The following ZFP1 variants were observed in gnomAD, a reference collection of about 807,000 sequenced individuals.
ZFP1 encodes ZFP1 zinc finger protein, also known as zinc finger protein 1 homolog.
In ZFP1, 32 loss-of-function variants were observed where a neutral mutation model predicts 38.5. The ratio of observed to expected loss-of-function variants is 0.83; its 90% CI spans 0.63 to 1.12. ZFP1 has a LOEUF of 1.12. Among genes scored for constraint, ZFP1 ranks in the 50% most tolerant of loss-of-function variants. ZFP1 has a pLI of 0.00. For missense variants in ZFP1, 616 were observed against 480.8 expected, an observed-to-expected ratio of 1.28 and a Z score of -2.63; for synonymous variants, 245 against 168.8, an observed-to-expected ratio of 1.45 and a Z score of -3.50.
At chr16:75,160,994 A>T (rs1270739426) in intron 2 of ZFP1, among the ~76,000 whole-genome samples, 1 of 152,042 alleles carries the variant, frequency 6.6e-6, no homozygotes, top group African/African-American at 2.4e-5. Flanking sequence ...GGACAAAAAT[A>T]CTCAAACCAT....
rs1259817617 is a variant in ZFP1, at chr16:75,170,071, G to C, written c.961G>C (p.Glu321Gln). 1.2e-6 allele frequency: 2 copies of C among 1,614,068 alleles called. No individual in the cohort carries two copies. Among genetic ancestry groups the C allele is most frequent in the East Asian group, 2.2e-5 (1 of 44,878 alleles). ...CATACATCAGAAGATTCACACGGGG[G>C]AGAAACGCTATGAGTGCAGTGAATG... ...LIIHQKIHTG[E>Q]KRYECSECGK... is the part of the protein sequence containing the mutation. Residue 321 changes from glutamate (E) to glutamine (Q), a missense_variant, in exon 4 of 4, where the codon GAG becomes CAG. By Grantham distance (29) the Glu-to-Gln change is conservative (BLOSUM62 2). Coordinates refer to ENST00000570010, the MANE Select transcript of ZFP1 (RefSeq NM_153688.4).
rs200876100 is a variant in ZFP1 at position 75,169,493 on chromosome 16, G to T, written c.383G>T (p.Gly128Val). 75 of 1,612,980 alleles carry T rather than the reference G, an allele frequency of 4.6e-5. No homozygotes were observed. The highest frequency in any genetic ancestry group is 6.2e-5 in the Non-Finnish European group (73 of 1,179,840). Reference protein sequence around the residue: ...DLLNSNRSYAGKQTDECNEFG... With the variant: ...DLLNSNRSYAVKQTDECNEFG... ...CTTAATAGTAATAGAAGCTATGCAG[G>T]AAAGCAGACTGATGAGTGTAATGAA... The change falls in exon 4 of 4, where the codon GGA becomes GTA. Residue 128 changes from glycine (G) to valine (V), a missense_variant. Coordinates refer to ENST00000570010, the MANE Select transcript of ZFP1 (RefSeq NM_153688.4).
chr16:75,166,993 T>C, intron 3 of ZFP1, 97 bp downstream of exon 3: 1 of 1,524,928 alleles, frequency 6.6e-7, no homozygotes, highest in East Asian at 2.3e-5. Context: ...CTAAATGTTT[T>C]TGGCCTAAGT....
the ZFP1 span, among the ~76,000 whole-genome samples, chr16:75,125,861 G>A: frequency 6.6e-6 from 1 of 151,854 alleles, no homozygotes; most frequent in African/African-American, 2.4e-5. Flanking sequence ...TGGCTAACAT[G>A]GTGAAACCCC....
intron 1 of ZFP1, among the ~76,000 whole-genome samples, chr16:75,151,852 C>T (rs1489249508): frequency 6.6e-6 from 1 of 152,128 alleles, no homozygotes; most frequent in Non-Finnish European, 1.5e-5. Context: ...CTTCATTAAA[C>T]ATTTCTTCTA....
At chr16:75,143,507 A>C (rs1391282014), upstream of ZFP1, among the ~76,000 whole-genome samples, 9 of 152,122 alleles carry the variant, frequency 5.9e-5, no homozygotes, top group Admixed American at 5.9e-4. Flanking sequence ...TGGCCCCCCA[A>C]AGTGCTGGAA....
the ZFP1 span, among the ~76,000 whole-genome samples, chr16:75,123,553 C>T: frequency 6.9e-6 from 1 of 145,628 alleles, no homozygotes; most frequent in South Asian, 2.2e-4. Flanking sequence ...GTCACCCAGG[C>T]TGGAGTGCAG....
the ZFP1 span, among the ~76,000 whole-genome samples, chr16:75,121,270 C>T: frequency 8.6e-5 from 13 of 151,100 alleles, no homozygotes; most frequent in Admixed American, 5.3e-4. Context: ...GGACTACAGG[C>T]GCCCACCACC....
intron 2 of ZFP1, 118 bp from the exon 3 acceptor site, chr16:75,166,652 C>T (rs1312728463): frequency 1.9e-6 from 3 of 1,549,960 alleles, no homozygotes; most frequent in Admixed American, 2.0e-5. Context: ...AAACAGTGAA[C>T]AAGATGTATC....
chr16:75,154,587 T>C (rs1411431049), intron 2 of ZFP1, among the ~76,000 whole-genome samples: 2 of 150,806 alleles, frequency 1.3e-5, no homozygotes, highest in African/African-American at 4.9e-5. Context: ...TTTTTTTTTT[T>C]TTTTTTTGGT....
intron 3 of ZFP1, among the ~76,000 whole-genome samples, chr16:75,168,614 G>A (rs992312376): frequency 4.6e-5 from 7 of 151,972 alleles, no homozygotes; most frequent in African/African-American, 7.2e-5. Flanking sequence ...ATCTCTTAGC[G>A]AATGAGTTTC....
intron 3 of ZFP1, among the ~76,000 whole-genome samples, chr16:75,168,281 C>T (rs551893493): frequency 6.6e-6 from 1 of 152,270 alleles, no homozygotes; most frequent in East Asian, 1.9e-4. Flanking sequence ...TTAGCCTTGC[C>T]AGTATCTGTT....
At chr16:75,141,704 T>C in the ZFP1 span, among the ~76,000 whole-genome samples, 1 of 149,698 alleles carries the variant, frequency 6.7e-6, no homozygotes, top group African/African-American at 2.5e-5. Context: ...CTGGGCAGGA[T>C]AGGGAGACCC....
At chr16:75,159,152 C>T (rs11644016) in intron 2 of ZFP1, among the ~76,000 whole-genome samples, 116,451 of 151,522 alleles carry the variant, frequency 0.77, 46,325 homozygotes, top group Non-Finnish European at 0.87. Context: ...CCACCTTAGC[C>T]GCCCAATGTG....
At chr16:75,165,283 A>C (rs1277888497) in intron 2 of ZFP1, among the ~76,000 whole-genome samples, 3 of 152,118 alleles carry the variant, frequency 2.0e-5, no homozygotes, top group East Asian at 3.9e-4. Flanking sequence ...TTGTCAACCA[A>C]CTCATTCTAA....
chr16:75,160,421 C>T (rs1567531603), intron 2 of ZFP1, among the ~76,000 whole-genome samples: 1 of 151,752 alleles, frequency 6.6e-6, no homozygotes, highest in African/African-American at 2.4e-5. Context: ...CTGTACTAAA[C>T]CCCATCTATA....
Position 75,149,473 on chromosome 16 carries a change from C to G in ZFP1, c.-44+830C>G, listed in dbSNP as rs147251932. Among the ~76,000 whole-genome samples the G allele has an allele frequency of 5.3e-3, 803 of 152,044 alleles. 5 individuals carry two copies. Among genetic ancestry groups the G allele is most frequent in the African/African-American group, 0.018 (761 of 41,506 alleles). On this transcript the variant is annotated intron_variant, in intron 1 of 3. Coordinates refer to ENST00000570010, the MANE Select transcript of ZFP1 (RefSeq NM_153688.4). ...ACGCTCTGCGTAACAGTGTTTCTGT[C>G]AACGAGGGACCTCATGTAAAATGGT...
intron 2 of ZFP1, among the ~76,000 whole-genome samples, chr16:75,155,403 T>G (rs1310003287): frequency 6.6e-6 from 1 of 152,252 alleles, no homozygotes; most frequent in Admixed American, 6.5e-5. Context: ...CCTAAAGTGC[T>G]GGCATTACAG....
chr16:75,163,517 G>A (rs933516149), intron 2 of ZFP1, among the ~76,000 whole-genome samples: 5 of 151,612 alleles, frequency 3.3e-5, no homozygotes, highest in Non-Finnish European at 7.4e-5. Context: ...TCACCATGTT[G>A]TCCAGGCTGG....
Sources: gnomAD v4.1 joint callset for allele counts (sites outside exome capture counted in the v4.1 genomes callset) on GRCh38, gnomAD v4.1.1 for gene constraint, MANE v1.5 for transcripts, NCBI Gene and HGNC (gene_info 2026-07-23, HGNC 2026-07-21) for gene names.